SUGCT: variants seen among roughly 807,000 people sequenced by gnomAD.
SUGCT encodes succinyl-CoA:glutarate-CoA transferase.
A neutral mutation model predicts 55.0 loss-of-function variants in SUGCT; 41 were observed. That is an observed-to-expected ratio of 0.74 (90% CI 0.58 to 0.97). The LOEUF is 0.97. Ranked by LOEUF, SUGCT falls within the 50% of genes least tolerant of loss-of-function variation. SUGCT has a pLI of 0.00. For synonymous variants in SUGCT, 187 were observed against 200.4 expected (o/e 0.93, Z 0.56); for missense variants, 568 against 547.8 (o/e 1.04, Z -0.37).
At chr7:40,174,181 C>G (rs892032115) in intron 1 of SUGCT, among the ~76,000 whole-genome samples, 2 of 152,050 alleles carry the variant, frequency 1.3e-5, no homozygotes, top group African/African-American at 4.8e-5. Flanking sequence ...CGCCACCATG[C>G]CTGGCTAATT....
intron 12 of SUGCT, among the ~76,000 whole-genome samples, chr7:40,529,237 G>A (rs1255206253): frequency 1.3e-5 from 2 of 152,230 alleles, no homozygotes; most frequent in African/African-American, 2.4e-5. Context: ...GAACCTGGGG[G>A]AGGTTGTAGA....
At chr7:40,871,451 G>A in the SUGCT span, among the ~76,000 whole-genome samples, 32 of 152,130 alleles carry the variant, frequency 2.1e-4, no homozygotes, top group Non-Finnish European at 4.3e-4. Flanking sequence ...AGCAACCAAG[G>A]GAATACAACT....
chr7:40,863,149 T>C (rs1277427592), downstream of SUGCT, among the ~76,000 whole-genome samples: 1 of 152,078 alleles, frequency 6.6e-6, no homozygotes, highest in Non-Finnish European at 1.5e-5. Flanking sequence ...GGCAGGAGAA[T>C]CACTTGAACC....
chr7:40,324,925 A>G (rs896125952), intron 9 of SUGCT, among the ~76,000 whole-genome samples: 7 of 152,194 alleles, frequency 4.6e-5, no homozygotes, highest in African/African-American at 1.4e-4. Flanking sequence ...GTAGCTTCTA[A>G]CTCAAGAGGT....
At chr7:40,144,011 T>C (rs1251157931) in intron 1 of SUGCT, among the ~76,000 whole-genome samples, 1 of 152,192 alleles carries the variant, frequency 6.6e-6, no homozygotes. Context: ...CAAAAACTGG[T>C]TGGGGCAGTC....
At chr7:40,373,724 C>T (rs1784411160) in intron 9 of SUGCT, among the ~76,000 whole-genome samples, 1 of 152,164 alleles carries the variant, frequency 6.6e-6, no homozygotes, top group South Asian at 2.1e-4. Flanking sequence ...GTATGATTGA[C>T]TAATTATGTT....
At chr7:40,803,009 G>A (rs1790900255) in intron 13 of SUGCT, among the ~76,000 whole-genome samples, 1 of 152,116 alleles carries the variant, frequency 6.6e-6, no homozygotes, top group Admixed American at 6.5e-5. Flanking sequence ...CCAGATTATA[G>A]GAAATTAGCA....
intron 11 of SUGCT, among the ~76,000 whole-genome samples, chr7:40,480,695 A>G (rs189856869): frequency 6.6e-6 from 1 of 152,238 alleles, no homozygotes; most frequent in African/African-American, 2.4e-5. Context: ...TTAATGTTGT[A>G]TAATTTTTAG....
intron 5 of SUGCT, among the ~76,000 whole-genome samples, chr7:40,191,126 C>T (rs773828124): frequency 2.6e-5 from 4 of 152,168 alleles, no homozygotes; most frequent in Non-Finnish European, 5.9e-5. Flanking sequence ...AAGCAATTCT[C>T]CTGTCTCAGC....
chr7:40,243,772 T>A (rs1211363709), intron 7 of SUGCT, among the ~76,000 whole-genome samples: 1 of 152,184 alleles, frequency 6.6e-6, no homozygotes, highest in African/African-American at 2.4e-5. Context: ...GTGTCCTAGT[T>A]TCCAGTGCAA....
chr7:40,931,881 A>T, the SUGCT span, among the ~76,000 whole-genome samples: 1 of 152,092 alleles, frequency 6.6e-6, no homozygotes, highest in African/African-American at 2.4e-5. Context: ...CAGCTCCTGG[A>T]TTCATTGATT....
At chr7:40,502,735 G>T (rs150178115) in intron 12 of SUGCT, among the ~76,000 whole-genome samples, 163 of 152,150 alleles carry the variant, frequency 1.1e-3, no homozygotes, top group African/African-American at 3.7e-3. Flanking sequence ...ATGTTGGCGG[G>T]ATCAAGCTAG....
At chr7:41,022,999 C>T in the SUGCT span, among the ~76,000 whole-genome samples, 1 of 152,296 alleles carries the variant, frequency 6.6e-6, no homozygotes, top group African/African-American at 2.4e-5. Flanking sequence ...ATCCTGGACT[C>T]ATGATTTGGA....
chr7:40,858,370 T>A (rs2128807531), intron 13 of SUGCT, among the ~76,000 whole-genome samples: 1 of 116,698 alleles, frequency 8.6e-6, no homozygotes, highest in African/African-American at 3.4e-5. Flanking sequence ...GCCATTGCAC[T>A]CCAGCCTGGG....
the SUGCT span, among the ~76,000 whole-genome samples, chr7:40,998,010 G>A: frequency 6.6e-6 from 1 of 152,072 alleles, no homozygotes; most frequent in African/African-American, 2.4e-5. Context: ...CCATCCCTGG[G>A]ATCTCTCAGT....
chr7:40,435,216 TAAG>T (rs1343404292), intron 9 of SUGCT, among the ~76,000 whole-genome samples: 1 of 152,182 alleles, frequency 6.6e-6, no homozygotes, highest in Non-Finnish European at 1.5e-5. Context: ...AAGTATCTAA[TAAG>T]AAGGACTGAG....
chr7:40,235,219 A>C (rs1343604085), intron 6 of SUGCT, among the ~76,000 whole-genome samples: 1 of 152,192 alleles, frequency 6.6e-6, no homozygotes, highest in African/African-American at 2.4e-5. Flanking sequence ...TATTTGTGAC[A>C]AAGATCATTT....
chr7:40,578,359 C>T (rs1040680172), intron 12 of SUGCT, among the ~76,000 whole-genome samples: 13 of 152,246 alleles, frequency 8.5e-5, no homozygotes, highest in African/African-American at 2.6e-4. Flanking sequence ...ACTGTTGCTT[C>T]CCACTCCTCA....
At chr7:40,909,991 T>G in the SUGCT span, among the ~76,000 whole-genome samples, 1 of 152,162 alleles carries the variant, frequency 6.6e-6, no homozygotes, top group Non-Finnish European at 1.5e-5. Flanking sequence ...ACTTTTCATT[T>G]TCCTTGTTGG....
Sources: gnomAD v4.1 joint callset for allele counts (sites outside exome capture counted in the v4.1 genomes callset) on GRCh38, gnomAD v4.1.1 for gene constraint, MANE v1.5 for transcripts, NCBI Gene and HGNC (gene_info 2026-07-23, HGNC 2026-07-21) for gene names.